DCC: variants seen among roughly 807,000 people sequenced by gnomAD.
The protein encoded by DCC is DCC netrin 1 receptor, also known as netrin receptor DCC.
Under a neutral mutation model 172.5 loss-of-function variants are expected in DCC, and 58 were observed. The observed-to-expected ratio is 0.34, with a 90% CI of 0.27 to 0.42. DCC has a LOEUF of 0.42. Ranked by LOEUF, DCC falls within the 10% of genes least tolerant of loss-of-function variation. DCC has a pLI of 1.00. For synonymous variants in DCC, 709 were observed against 644.5 expected (o/e 1.10, Z -1.52); for missense variants, 1,740 against 1,791.0 (o/e 0.97, Z 0.51).
intron 2 of DCC, among the ~76,000 whole-genome samples, chr18:52,775,235 AG>A (rs111946489): frequency 0.023 from 3,547 of 152,100 alleles, 135 homozygotes; most frequent in African/African-American, 0.08. Context: ...TCATGCTTCT[AG>A]GGGAGCATAC....
At chr18:53,024,124 T>C (rs1357726062) in intron 5 of DCC, among the ~76,000 whole-genome samples, 2 of 152,154 alleles carry the variant, frequency 1.3e-5, no homozygotes, top group Non-Finnish European at 2.9e-5. Flanking sequence ...GAAAATATAC[T>C]AAGAGCAAAA....
At position 53,530,705 on chromosome 18, in the gene DCC, C is replaced by A. The variant is rs761010890; in HGVS notation, c.*52C>A. ...ATTTTCCGGGAACTTTGCAGCATAC[C>A]AATTACCCATAAACAGCACACCTGT... On this transcript the variant is annotated 3_prime_UTR_variant, in exon 29 of 29. Transcript: ENST00000442544. The A allele has an allele frequency of 6.3e-6, 6 of 954,396 alleles. No individual in the cohort carries two copies. Among genetic ancestry groups the A allele is most frequent in the Admixed American group, 5.1e-5 (3 of 59,090 alleles). The allele number at this position is 954,396 out of a possible 1,614,324, so 59.1% of individuals were successfully genotyped here.
chr18:52,821,967 CAG>C (rs1339330763), intron 2 of DCC, among the ~76,000 whole-genome samples: 1 of 152,120 alleles, frequency 6.6e-6, no homozygotes, highest in Non-Finnish European at 1.5e-5. Flanking sequence ...TTTTGGGAGT[CAG>C]ATGTTTCTTA....
chr18:52,413,748 C>G (rs1290673522), intron 1 of DCC, among the ~76,000 whole-genome samples: 1 of 152,084 alleles, frequency 6.6e-6, no homozygotes, highest in Non-Finnish European at 1.5e-5. Context: ...AAGACAGACA[C>G]ACTTTTGGGC....
intron 2 of DCC, among the ~76,000 whole-genome samples, chr18:52,781,333 C>G (rs1239932343): frequency 6.6e-6 from 1 of 152,112 alleles, no homozygotes; most frequent in African/African-American, 2.4e-5. Flanking sequence ...TCCTTCTGAG[C>G]CTCTCCCAAT....
chr18:53,362,813 A>G (rs2057962021), intron 15 of DCC, among the ~76,000 whole-genome samples: 1 of 152,166 alleles, frequency 6.6e-6, no homozygotes. Context: ...TAAAAGAAGT[A>G]GATATTATTA....
At chr18:52,823,155 C>T (rs1419584786) in intron 2 of DCC, among the ~76,000 whole-genome samples, 1 of 152,144 alleles carries the variant, frequency 6.6e-6, no homozygotes, top group Non-Finnish European at 1.5e-5. Flanking sequence ...TTTATAATTA[C>T]AGTCAACATT....
At chr18:53,517,919 G>C (rs774291163) in intron 27 of DCC, among the ~76,000 whole-genome samples, 2 of 152,000 alleles carry the variant, frequency 1.3e-5, no homozygotes, top group African/African-American at 4.8e-5. Context: ...GAGTAAATGC[G>C]GCTACTCTCT....
At chr18:53,236,527 ATTG>A (rs1270909865) in intron 12 of DCC, among the ~76,000 whole-genome samples, 8 of 152,160 alleles carry the variant, frequency 5.3e-5, no homozygotes, top group African/African-American at 1.9e-4. Context: ...AGGCTTTGGT[ATTG>A]TTAGTATTTT....
intron 5 of DCC, among the ~76,000 whole-genome samples, chr18:52,960,680 T>A (rs574449122): frequency 1.6e-3 from 244 of 152,216 alleles, no homozygotes; most frequent in Non-Finnish European, 2.8e-3. Flanking sequence ...CTTGTACTCT[T>A]TACTGACTTC....
At chr18:52,524,095 A>G (rs1420516397) in intron 1 of DCC, among the ~76,000 whole-genome samples, 1 of 152,216 alleles carries the variant, frequency 6.6e-6, no homozygotes, top group Non-Finnish European at 1.5e-5. Flanking sequence ...AGGCAAGCCT[A>G]TTTAGGTCAC....
rs73463004 is a variant in DCC, at chr18:53,228,594, C to T, written c.1911+12997C>T. On this transcript the variant is annotated intron_variant, in intron 12 of 28. Transcript: ENST00000442544. ...CTTCCATGGGGAATTAACTTCTCTA[C>T]CTATGATAAAGGTAGCAGACACTTT... 1.5e-3 allele frequency among the ~76,000 whole-genome samples: 226 copies of T among 152,142 alleles called. 2 individuals carry two copies. The highest frequency in any genetic ancestry group is 5.3e-3 in the African/African-American group (222 of 41,526).
chr18:52,672,580 T>G lies in DCC; in HGVS notation c.92-79474T>G, dbSNP rs553980314. 8.7e-4 allele frequency among the ~76,000 whole-genome samples: 132 copies of G among 151,886 alleles called. 1 individual carries two copies. The highest frequency in any genetic ancestry group is 3.1e-3 in the African/African-American group (130 of 41,446). On this transcript the variant is annotated intron_variant, in intron 1 of 28. Transcript: ENST00000442544. ...TCTCTTCCTTCCAAATATCCCTCCC[T>G]CCCTTTCTTCTTCCTAATTCGTCCT...
chr18:52,827,881 G>A (rs2038540460), intron 2 of DCC, among the ~76,000 whole-genome samples: 1 of 152,170 alleles, frequency 6.6e-6, no homozygotes, highest in South Asian at 2.1e-4. Flanking sequence ...GTAGGTGTGT[G>A]AGCTGCATTA....
At chr18:52,519,598 A>T (rs537256706) in intron 1 of DCC, among the ~76,000 whole-genome samples, 1 of 152,304 alleles carries the variant, frequency 6.6e-6, no homozygotes, top group East Asian at 1.9e-4. Context: ...CAAAGTTAAA[A>T]GAAATGGAAG....
At chr18:53,425,357 C>CTTTTTTTTTTTTTTTT (rs747096336) in intron 21 of DCC, among the ~76,000 whole-genome samples, 4 of 101,654 alleles carry the variant, frequency 3.9e-5, no homozygotes, top group Non-Finnish European at 7.8e-5. Flanking sequence ...TTTCTCCTCT[C>CTTTTTTTTTTTTTTTT]TTTTTTTTTT....
At chr18:52,800,398 G>A (rs189167450) in intron 2 of DCC, among the ~76,000 whole-genome samples, 9 of 152,284 alleles carry the variant, frequency 5.9e-5, no homozygotes, top group Middle Eastern at 3.4e-3. Flanking sequence ...AAGAAATACT[G>A]GGAGATGCAC....
At chr18:52,434,726 T>C (rs918723981) in intron 1 of DCC, among the ~76,000 whole-genome samples, 1 of 152,020 alleles carries the variant, frequency 6.6e-6, no homozygotes, top group Non-Finnish European at 1.5e-5. Context: ...TTCCTAGATG[T>C]ATCACTATAA....
intron 1 of DCC, among the ~76,000 whole-genome samples, chr18:52,552,278 C>A (rs151078781): frequency 6.6e-6 from 1 of 151,952 alleles, no homozygotes; most frequent in African/African-American, 2.4e-5. Context: ...ATAGGCCATT[C>A]GAAGGACCTT....
Sources: allele counts gnomAD v4.1 joint callset (sites outside exome capture counted in the v4.1 genomes callset), GRCh38; gene constraint gnomAD v4.1.1; transcripts MANE v1.5; gene names NCBI Gene and HGNC (gene_info 2026-07-23, HGNC 2026-07-21).